ATP6V1C2: variants seen among roughly 807,000 people sequenced by gnomAD.
The protein encoded by ATP6V1C2 is ATPase H+ transporting V1 subunit C2.
In ATP6V1C2, 45 loss-of-function variants were observed where a neutral mutation model predicts 56.8. The observed-to-expected ratio is 0.79, with a 90% CI of 0.62 to 1.02. ATP6V1C2 has a LOEUF of 1.02. Ranked by LOEUF, ATP6V1C2 falls within the 50% of genes least tolerant of loss-of-function variation. The pLI is 0.00. For synonymous variants in ATP6V1C2, 220 were observed against 201.3 expected (o/e 1.09, Z -0.79); for missense variants, 463 against 519.7 (o/e 0.89, Z 1.06).
At chr2:10,772,877 G>C (rs1035099706) in intron 8 of ATP6V1C2, among the ~76,000 whole-genome samples, 2 of 152,174 alleles carry the variant, frequency 1.3e-5, no homozygotes, top group African/African-American at 4.8e-5. Context: ...TCTCCACGCC[G>C]TTGCCTCTGC....
At chr2:10,746,356 TTTG>T (rs1662913438) in intron 3 of ATP6V1C2, among the ~76,000 whole-genome samples, 1 of 152,104 alleles carries the variant, frequency 6.6e-6, no homozygotes. Context: ...TATTATTTAT[TTTG>T]TTATGATTTA....
chr2:10,730,588 A>G, intron 3 of ATP6V1C2, among the ~76,000 whole-genome samples: 1 of 140,602 alleles, frequency 7.1e-6, no homozygotes, highest in African/African-American at 2.6e-5. Context: ...GTCACCAAGT[A>G]GTTTGCTGTT....
intron 3 of ATP6V1C2, among the ~76,000 whole-genome samples, chr2:10,741,990 A>G (rs1263867222): frequency 6.6e-6 from 1 of 151,290 alleles, no homozygotes; most frequent in Non-Finnish European, 1.5e-5. Context: ...GGCTCGCTGC[A>G]ATCTCGCTTC....
rs748372718 is a variant in ATP6V1C2 at position 10,777,690 on chromosome 2, G to A, written c.931G>A (p.Asp311Asn). The change falls in exon 11 of 14, where the codon GAC (aspartate) becomes AAC (asparagine). Residue 311 changes from aspartate (D) to asparagine (N), a missense_variant. Physicochemically the swap from Asp to Asn is conservative, Grantham distance 23 (BLOSUM62 1). Coordinates refer to ENST00000272238, the MANE Select transcript of ATP6V1C2 (RefSeq NM_001039362.2). Reference sequence around the variant, plus strand: ...TGATAGGCCTGCTGCGGGGCAGACCGACAGAGAGAGAGAGAGTGAGGGCGA... The same window carrying A: ...TGATAGGCCTGCTGCGGGGCAGACCAACAGAGAGAGAGAGAGTGAGGGCGA... ...NPDRPAAGQT[D>N]RERESEGEGE... 6.8e-6 allele frequency: 11 copies of A among 1,613,830 alleles called. No homozygotes were observed. In the East Asian group the frequency reaches 8.9e-5, roughly 13 times the overall value.
chr2:10,770,943 G>A lies in ATP6V1C2; in HGVS notation c.471-896G>A, dbSNP rs183591802. On this transcript the variant is annotated intron_variant, in intron 6 of 13. Coordinates refer to ENST00000272238, the MANE Select transcript of ATP6V1C2 (RefSeq NM_001039362.2). Reference sequence around the variant, plus strand: ...AACAAACGTGTGGAAAGTTGGCTTCGTGTTGGGGATTCAGAGGTGAGCCAG... The same window carrying A: ...AACAAACGTGTGGAAAGTTGGCTTCATGTTGGGGATTCAGAGGTGAGCCAG... Among the ~76,000 whole-genome samples, 9 of 152,326 alleles carry A rather than the reference G, an allele frequency of 5.9e-5. No homozygotes were observed. The East Asian group carries it at 7.7e-4, about 13-fold the overall frequency.
At chr2:10,777,970 G>C (rs377226054) in intron 11 of ATP6V1C2, among the ~76,000 whole-genome samples, 11 of 146,696 alleles carry the variant, frequency 7.5e-5, no homozygotes, top group African/African-American at 2.4e-4. Context: ...GAGGTGGCTG[G>C]AGCTGGGACG....
chr2:10,762,199 G>A (rs568202730), intron 4 of ATP6V1C2, among the ~76,000 whole-genome samples: 2 of 149,020 alleles, frequency 1.3e-5, no homozygotes, highest in East Asian at 4.0e-4. Context: ...AGGCTGGAGT[G>A]CAGTGGCTCA....
intron 3 of ATP6V1C2, among the ~76,000 whole-genome samples, chr2:10,738,752 C>T (rs1024313848): frequency 1.3e-5 from 2 of 152,150 alleles, no homozygotes; most frequent in South Asian, 2.1e-4. Context: ...ATTTGTGCAG[C>T]CTTCTGCCTA....
At chr2:10,771,989 GGTGGACCCGTTGGTGACTTGGGCAGT>G (rs778913019) in intron 7 of ATP6V1C2, 52 bp downstream of exon 7, 2 of 1,516,744 alleles carry the variant, frequency 1.3e-6, no homozygotes, top group African/African-American at 2.7e-5. Flanking sequence ...TGGAGAGGAA[GGTGGACCCGTTGGTGACTTGGGCAGT>G]GTGGACGAGG....
In ATP6V1C2 at chr2:10,744,916, G is replaced by A. The variant is rs192369145; in HGVS notation, c.198-9065G>A. Among the ~76,000 whole-genome samples the A allele has an allele frequency of 6.2e-3, 936 of 151,236 alleles. 9 individuals carry two copies. Among genetic ancestry groups the A allele is most frequent in the African/African-American group, 0.02 (847 of 41,320 alleles). On this transcript the variant is annotated intron_variant, in intron 3 of 13. Transcript: ENST00000272238. ...AATCTCTTGACCTCGTGATCTGCCCGCCTCAGCCTCCCAAAGTGCTGGGAT... is the reference window on the plus strand; with the variant it reads ...AATCTCTTGACCTCGTGATCTGCCCACCTCAGCCTCCCAAAGTGCTGGGAT...
At chr2:10,746,705 C>T (rs774058421) in intron 3 of ATP6V1C2, among the ~76,000 whole-genome samples, 5 of 152,158 alleles carry the variant, frequency 3.3e-5, no homozygotes, top group Non-Finnish European at 7.3e-5. Context: ...CCACCCCGCC[C>T]AACCGTAGTT....
chr2:10,769,751 G>A (rs1223412314), intron 6 of ATP6V1C2, among the ~76,000 whole-genome samples: 1 of 152,094 alleles, frequency 6.6e-6, no homozygotes, highest in Non-Finnish European at 1.5e-5. Flanking sequence ...AGCCAGGTGA[G>A]CTCCTGCTGG....
chr2:10,779,685 T>TGG lies in ATP6V1C2; in HGVS notation c.1061+1016_1061+1017insGG, dbSNP rs1168757276. The stretch of plus-strand genomic sequence containing the variant: ...TGGGCAACAAGAGAAACTCCGGCTA[T>TGG]AGAAAAAAAAAAAAAAAAAAAACTT... On this transcript the variant is annotated intron_variant, in intron 12 of 13. Coordinates refer to ENST00000272238, the MANE Select transcript of ATP6V1C2 (RefSeq NM_001039362.2). Among the ~76,000 whole-genome samples, 15 of 87,066 alleles carry TGG rather than the reference T, an allele frequency of 1.7e-4. 2 individuals are homozygous for TGG. The highest frequency in any genetic ancestry group is 2.3e-4 in the Admixed American group (2 of 8,646). 57.1% of individuals were successfully genotyped at this position (87,066 alleles called of 152,430 possible). A position where few individuals can be genotyped will look rare whatever the true frequency, so the allele number is the denominator to read the frequency against.
chr2:10,744,283 C>T (rs1238243539), intron 3 of ATP6V1C2: 1 of 152,212 alleles, frequency 6.6e-6, no homozygotes, highest in South Asian at 2.1e-4. Flanking sequence ...TCTAAAATTA[C>T]TCTCTAGTGA....
rs1305301278 is a variant in ATP6V1C2 at position 10,784,585 on chromosome 2, T to C, written c.*1322T>C. On this transcript the variant is annotated 3_prime_UTR_variant, in exon 14 of 14. Transcript: ENST00000272238. ...CTTGAACGTGTCCTTTTGAGGAGGG[T>C]GGGACACAACAGTACAGAAATAAGT... 3.8e-6 allele frequency: 2 copies of C among 524,832 alleles called. No homozygotes were observed. Among genetic ancestry groups the C allele is most frequent in the Non-Finnish European group, 6.7e-6 (2 of 299,426 alleles). 32.5% of individuals were successfully genotyped at this position (524,832 alleles called of 1,614,324 possible).
Position 10,784,362 on chromosome 2 carries a change from G to A in ATP6V1C2, c.*1099G>A. 2 of 1,549,606 alleles carry A rather than the reference G, an allele frequency of 1.3e-6. No individual in the cohort carries two copies. Among genetic ancestry groups the A allele is most frequent in the Non-Finnish European group, 1.8e-6 (2 of 1,126,794 alleles). On this transcript the variant is annotated 3_prime_UTR_variant, in exon 14 of 14. Transcript: ENST00000272238. The stretch of plus-strand genomic sequence containing the variant: ...ACAGAAAGCCACTGTTAGATCTGCA[G>A]AAGGGGACACCCTGGAAGGTCAACA...
chr2:10,779,687 G>GAAAAAAAAAA (rs555256673), intron 12 of ATP6V1C2, among the ~76,000 whole-genome samples: 16 of 52,112 alleles, frequency 3.1e-4, no homozygotes, highest in African/African-American at 1.2e-3. Context: ...TCCGGCTATA[G>GAAAAAAAAAA]AAAAAAAAAA....
intron 4 of ATP6V1C2, among the ~76,000 whole-genome samples, chr2:10,755,657 C>G (rs1490930771): frequency 6.6e-6 from 1 of 152,210 alleles, no homozygotes; most frequent in Non-Finnish European, 1.5e-5. Flanking sequence ...CCCCTCCACC[C>G]TCTCCAGAGC....
At chr2:10,758,880 G>T (rs1663715988) in intron 4 of ATP6V1C2, among the ~76,000 whole-genome samples, 1 of 152,138 alleles carries the variant, frequency 6.6e-6, no homozygotes, top group South Asian at 2.1e-4. Context: ...TGTTGTCCAG[G>T]ATGGTCTTGA....
Sources: gnomAD v4.1 joint callset for allele counts (sites outside exome capture counted in the v4.1 genomes callset) on GRCh38, gnomAD v4.1.1 for gene constraint, MANE v1.5 for transcripts, NCBI Gene and HGNC (gene_info 2026-07-23, HGNC 2026-07-21) for gene names.